MAGI1: variants seen among roughly 807,000 people sequenced by gnomAD.
The protein encoded by MAGI1 is membrane-associated guanylate kinase, WW and PDZ domain-containing protein 1.
MAGI1 carries 58 observed loss-of-function variants against 139.9 expected under a neutral mutation model. That is an observed-to-expected ratio of 0.41 (90% CI 0.34 to 0.52). MAGI1 has a LOEUF of 0.52. Ranked by LOEUF, MAGI1 falls within the 20% of genes least tolerant of loss-of-function variation. MAGI1 has a pLI of 0.12. For synonymous variants in MAGI1, 812 were observed against 737.9 expected, an observed-to-expected ratio of 1.10 and a Z score of -1.63; for missense variants, 1,874 against 1,901.6, an observed-to-expected ratio of 0.99 and a Z score of 0.27.
intron 2 of MAGI1, among the ~76,000 whole-genome samples, chr3:65,575,077 A>G (rs1329894278): frequency 6.6e-6 from 1 of 152,086 alleles, no homozygotes; most frequent in East Asian, 1.9e-4. Flanking sequence ...CTTCATAGTT[A>G]AAAATCTCTG....
chr3:65,919,674 TC>T (rs2062077939), intron 1 of MAGI1, among the ~76,000 whole-genome samples: 2 of 90,116 alleles, frequency 2.2e-5, no homozygotes, highest in Non-Finnish European at 4.0e-5. Flanking sequence ...TCTCATTCTC[TC>T]TCCTTCTCTC....
In MAGI1 at chr3:65,918,379, A is replaced by ATTTTT. The variant is rs34906725; in HGVS notation, c.313+119612_313+119616dup. Among the ~76,000 whole-genome samples the ATTTTT allele has an allele frequency of 2.0e-3, 251 of 128,674 alleles. 3 individuals are homozygous for ATTTTT. The highest frequency in any genetic ancestry group is 2.6e-3 in the African/African-American group (86 of 33,186). The allele number at this position is 128,674 out of a possible 152,430, so 84.4% of individuals were successfully genotyped here. On this transcript the variant is annotated intron_variant, in intron 1 of 22. Coordinates refer to ENST00000402939, the MANE Select transcript of MAGI1 (RefSeq NM_001033057.2). ...GTGCATTATACTCTTGCTCCAAAACATTTTTTTTTTTTTTTTTTGTGAGAC... is the reference window on the plus strand; with the variant it reads ...GTGCATTATACTCTTGCTCCAAAACATTTTTTTTTTTTTTTTTTTTTTTGTGAGAC...
At chr3:65,739,929 C>A (rs947441625) in intron 1 of MAGI1, among the ~76,000 whole-genome samples, 17 of 151,938 alleles carry the variant, frequency 1.1e-4, no homozygotes, top group Non-Finnish European at 2.1e-4. Context: ...CACAAGGTGA[C>A]CACATGCTGT....
At chr3:65,366,532 T>C (rs113974254) in intron 18 of MAGI1, among the ~76,000 whole-genome samples, 1 of 152,276 alleles carries the variant, frequency 6.6e-6, no homozygotes, top group Admixed American at 6.5e-5. Context: ...TTCTCAGGCT[T>C]ACTGGGAGAC....
chr3:65,366,005 A>C (rs1247326402), intron 18 of MAGI1, among the ~76,000 whole-genome samples: 1 of 152,136 alleles, frequency 6.6e-6, no homozygotes, highest in Non-Finnish European at 1.5e-5. Flanking sequence ...GCTTCCTGTT[A>C]TTTTATTTTC....
chr3:65,746,292 C>T (rs2035702040), intron 1 of MAGI1, among the ~76,000 whole-genome samples: 1 of 152,160 alleles, frequency 6.6e-6, no homozygotes, highest in Non-Finnish European at 1.5e-5. Context: ...CCTTGGCCTT[C>T]CAAAGTGCTG....
intron 1 of MAGI1, among the ~76,000 whole-genome samples, chr3:65,733,032 T>C (rs764359746): frequency 6.6e-6 from 1 of 152,132 alleles, no homozygotes; most frequent in African/African-American, 2.4e-5. Flanking sequence ...ACTTGTTTTT[T>C]CTGTCATTGT....
At chr3:65,999,128 G>T (rs1011081725) in intron 1 of MAGI1, among the ~76,000 whole-genome samples, 5 of 152,090 alleles carry the variant, frequency 3.3e-5, no homozygotes, top group African/African-American at 1.2e-4. Context: ...TGTTAGGTAG[G>T]TAAACATGTG....
chr3:65,993,118 T>C (rs372585395), intron 1 of MAGI1, among the ~76,000 whole-genome samples: 43 of 152,274 alleles, frequency 2.8e-4, no homozygotes, highest in African/African-American at 1.0e-3. Context: ...TGCACCTGGC[T>C]TCATTACAGC....
chr3:65,359,160 A>C, intron 22 of MAGI1: 1 of 1,613,046 alleles, frequency 6.2e-7, no homozygotes, highest in Non-Finnish European at 8.5e-7. Context: ...TCGCTGTGGA[A>C]GGGAGGGCCC....
intron 1 of MAGI1, among the ~76,000 whole-genome samples, chr3:65,699,372 G>A (rs1331863437): frequency 1.3e-5 from 2 of 148,642 alleles, no homozygotes; most frequent in African/African-American, 2.5e-5. Context: ...CCATCCCATT[G>A]CTGGTTATAT....
chr3:65,382,294 C>T (rs1391507794), intron 15 of MAGI1, among the ~76,000 whole-genome samples: 1 of 152,154 alleles, frequency 6.6e-6, no homozygotes, highest in African/African-American at 2.4e-5. Flanking sequence ...TATCTGTGGC[C>T]TATTGATGAC....
intron 3 of MAGI1, among the ~76,000 whole-genome samples, chr3:65,490,574 G>A (rs940244911): frequency 1.3e-5 from 2 of 152,034 alleles, no homozygotes; most frequent in African/African-American, 2.4e-5. Flanking sequence ...GGCCAGGCTC[G>A]GTGGCTCACG....
At chr3:65,439,627 T>A (rs934065892) in intron 9 of MAGI1, among the ~76,000 whole-genome samples, 3 of 152,100 alleles carry the variant, frequency 2.0e-5, no homozygotes, top group Non-Finnish European at 4.4e-5. Flanking sequence ...CATCAGAAAG[T>A]TCTCTGATCT....
Position 65,949,521 on chromosome 3 carries a change from G to A in MAGI1, c.313+88475C>T, listed in dbSNP as rs544017352. On this transcript the variant is annotated intron_variant, in intron 1 of 22. Transcript: ENST00000402939. Reference sequence around the variant, plus strand: ...GAAGGAAATGTACTTTTTATTGTTGGTCACAAGCCCTAGCACAGTATAATA... The same window carrying A: ...GAAGGAAATGTACTTTTTATTGTTGATCACAAGCCCTAGCACAGTATAATA... Among the ~76,000 whole-genome samples the A allele has an allele frequency of 2.6e-5, 4 of 152,250 alleles. No homozygotes were observed. In the South Asian group the frequency reaches 8.3e-4, roughly 32 times the overall value.
chr3:65,454,393 A>ACG (rs1949241103), intron 5 of MAGI1, among the ~76,000 whole-genome samples: 1 of 120,614 alleles, frequency 8.3e-6, no homozygotes, highest in South Asian at 2.9e-4. Flanking sequence ...GGGTTGGGGG[A>ACG]GGGGAGAGGG....
intron 1 of MAGI1, among the ~76,000 whole-genome samples, chr3:66,028,481 C>T (rs967354621): frequency 1.3e-5 from 2 of 151,804 alleles, no homozygotes; most frequent in African/African-American, 2.4e-5. Context: ...TGGATTTGAA[C>T]CCAGGCGGTC....
intron 1 of MAGI1, among the ~76,000 whole-genome samples, chr3:65,845,790 C>T (rs552278258): frequency 6.6e-6 from 1 of 152,154 alleles, no homozygotes; most frequent in Non-Finnish European, 1.5e-5. Context: ...CAAATGACAA[C>T]CTGAATTTTA....
At chr3:65,928,029 GTTCT>G (rs773626936) in intron 1 of MAGI1, among the ~76,000 whole-genome samples, 1 of 152,072 alleles carries the variant, frequency 6.6e-6, no homozygotes, top group Non-Finnish European at 1.5e-5. Flanking sequence ...CCCTCACTCT[GTTCT>G]TTTTTTTCTT....
Sources: allele counts gnomAD v4.1 joint callset (sites outside exome capture counted in the v4.1 genomes callset), GRCh38; gene constraint gnomAD v4.1.1; transcripts MANE v1.5; gene names NCBI Gene and HGNC (gene_info 2026-07-23, HGNC 2026-07-21).